Variants in PDZD2 observed in about 807,000 individuals in gnomAD.
The protein encoded by PDZD2 is PDZ domain containing 2.
PDZD2 carries 90 observed loss-of-function variants against 220.7 expected under a neutral mutation model. The observed-to-expected ratio is 0.41, with a 90% CI of 0.34 to 0.49. The LOEUF (loss-of-function observed/expected upper bound fraction) is 0.49. Among genes scored for constraint, PDZD2 ranks in the 20% least tolerant of loss-of-function variants. The pLI is 0.28. For synonymous variants in PDZD2, 1,375 were observed against 1,450.5 expected (o/e 0.95, Z 1.18); for missense variants, 3,174 against 3,608.5 (o/e 0.88, Z 3.08).
intron 1 of PDZD2, among the ~76,000 whole-genome samples, chr5:31,722,956 G>A (rs1200756973): frequency 6.6e-6 from 1 of 152,150 alleles, no homozygotes; most frequent in Non-Finnish European, 1.5e-5. Flanking sequence ...CCAAAGTGCT[G>A]GGATTACAGG....
At chr5:31,869,432 G>A (rs2877220) in intron 2 of PDZD2, among the ~76,000 whole-genome samples, 108,773 of 151,994 alleles carry the variant, frequency 0.72, 40,417 homozygotes, top group Middle Eastern at 0.83. Context: ...GCGTGGTGGC[G>A]GGCGCCTGTA....
chr5:31,832,835 A>G (rs766069502), intron 2 of PDZD2, among the ~76,000 whole-genome samples: 2 of 152,118 alleles, frequency 1.3e-5, no homozygotes, highest in Non-Finnish European at 2.9e-5. Context: ...TAAAATGGTC[A>G]ATTTTATTTT....
At chr5:31,784,774 G>A (rs1392474750) in intron 1 of PDZD2, among the ~76,000 whole-genome samples, 1 of 152,120 alleles carries the variant, frequency 6.6e-6, no homozygotes, top group Non-Finnish European at 1.5e-5. Context: ...AGGCGTGGTG[G>A]CACATGCCTG....
chr5:31,728,871 C>CA (rs1183610244), intron 1 of PDZD2, among the ~76,000 whole-genome samples: 1 of 151,772 alleles, frequency 6.6e-6, no homozygotes, highest in Non-Finnish European at 1.5e-5. Context: ...TTATTTGAGA[C>CA]AGAGTCTCTC....
intron 2 of PDZD2, among the ~76,000 whole-genome samples, chr5:31,801,034 A>G (rs1379389345): frequency 6.6e-6 from 1 of 152,176 alleles, no homozygotes; most frequent in East Asian, 1.9e-4. Context: ...ATTTGTCTAT[A>G]TGTGTCAGTG....
intron 1 of PDZD2, among the ~76,000 whole-genome samples, chr5:31,755,990 CAGATGTCTTTAAAAGGCTT>C (rs1223788606): frequency 6.6e-6 from 1 of 152,090 alleles, no homozygotes; most frequent in African/African-American, 2.4e-5. Flanking sequence ...AAACTGCCTT[CAGATGTCTTTAAAAGGCTT>C]GAAAATGTGC....
At chr5:31,698,829 C>T (rs542041658) in intron 1 of PDZD2, among the ~76,000 whole-genome samples, 3 of 152,292 alleles carry the variant, frequency 2.0e-5, no homozygotes, top group East Asian at 1.9e-4. Context: ...CAGATTCGGG[C>T]GGCAGCCTGA....
rs565011156 is a variant in PDZD2 at position 32,004,816 on chromosome 5, G to A, written c.1254+4545G>A. Among the ~76,000 whole-genome samples the A allele has an allele frequency of 1.1e-4, 17 of 152,318 alleles. 1 individual carries two copies. The South Asian group carries it at 3.3e-3, about 30-fold the overall frequency. On this transcript the variant is annotated intron_variant, in intron 5 of 24. Coordinates refer to ENST00000438447, the MANE Select transcript of PDZD2 (RefSeq NM_178140.4). The stretch of plus-strand genomic sequence containing the variant: ...GCTAGAGGCTTTGACTTTTAGGGAC[G>A]CTTGCTTGGGTCCTCGTGGGGCTGA...
At chr5:32,035,106 C>T (rs1295630238) in intron 6 of PDZD2, among the ~76,000 whole-genome samples, 1 of 152,136 alleles carries the variant, frequency 6.6e-6, no homozygotes, top group Admixed American at 6.5e-5. Context: ...ATTCCTGTTT[C>T]TAACCCAGAA....
chr5:31,809,831 G>A (rs745696683), intron 2 of PDZD2, among the ~76,000 whole-genome samples: 4 of 152,152 alleles, frequency 2.6e-5, no homozygotes, highest in Non-Finnish European at 5.9e-5. Flanking sequence ...AGAGGATTGA[G>A]GTTTCAGAGC....
At chr5:31,990,362 C>T (rs1751112700) in intron 3 of PDZD2, among the ~76,000 whole-genome samples, 1 of 152,216 alleles carries the variant, frequency 6.6e-6, no homozygotes, top group Non-Finnish European at 1.5e-5. Flanking sequence ...GAAAGGGTAA[C>T]ACTCCAACAA....
intron 20 of PDZD2, among the ~76,000 whole-genome samples, chr5:32,092,013 C>G (rs181800148): frequency 6.6e-6 from 1 of 152,304 alleles, no homozygotes; most frequent in African/African-American, 2.4e-5. Context: ...GTGGCTCACA[C>G]CTGTAATCCC....
intron 2 of PDZD2, among the ~76,000 whole-genome samples, chr5:31,879,891 GT>G (rs1739701754): frequency 6.9e-6 from 1 of 144,106 alleles, no homozygotes. Context: ...ACTGCTTACA[GT>G]TTTCTTAGCA....
At chr5:31,755,406 C>T (rs114936481) in intron 1 of PDZD2, among the ~76,000 whole-genome samples, 1,793 of 152,148 alleles carry the variant, frequency 0.012, 34 homozygotes, top group African/African-American at 0.04. Context: ...GGGTGGGGGG[C>T]GGTGGCGCTT....
intron 1 of PDZD2, among the ~76,000 whole-genome samples, chr5:31,728,073 A>G (rs1749287555): frequency 6.6e-6 from 1 of 151,624 alleles, no homozygotes; most frequent in South Asian, 2.1e-4. Flanking sequence ...CTATAGTTGC[A>G]AAGAAGTCGA....
intron 1 of PDZD2, among the ~76,000 whole-genome samples, chr5:31,659,129 T>C (rs1745669198): frequency 6.6e-6 from 1 of 152,158 alleles, no homozygotes; most frequent in South Asian, 2.1e-4. Context: ...TCTCAGACAC[T>C]GCTTTTCTCC....
rs1478915904 is a variant in PDZD2, at chr5:32,072,200, G to T, written c.2608G>T (p.Ala870Ser). ...ISESELSQYF[A>S]HDVPGPLSDF... ...TGAATCTGAACTCTCCCAGTACTTT[G>T]CCCACGATGTCCCTGGCCCCTTGTC... Residue 870 changes from alanine to serine, a missense_variant, in exon 17 of 25, where the codon GCC becomes TCC. Around this residue, in one of 4 missense-constraint regions of PDZD2, gnomAD observed 1,861 missense variants for 2,001.0 expected, o/e 0.93. Transcript: ENST00000438447. 1 of 1,613,298 alleles carries T rather than the reference G, an allele frequency of 6.2e-7. No individual in the cohort carries two copies. The highest frequency in any genetic ancestry group is 2.2e-5 in the East Asian group (1 of 44,882).
chr5:31,953,857 GC>G (rs923015289), intron 2 of PDZD2, among the ~76,000 whole-genome samples: 21 of 152,024 alleles, frequency 1.4e-4, no homozygotes, highest in African/African-American at 4.8e-4. Flanking sequence ...CACCATGTTG[GC>G]CAGGGTGGTC....
At position 31,901,675 on chromosome 5, in the gene PDZD2, T is replaced by C. The variant is rs530009481; in HGVS notation, c.477-81480T>C. 3.3e-5 allele frequency among the ~76,000 whole-genome samples: 5 copies of C among 152,288 alleles called. No homozygotes were observed. The East Asian group carries it at 9.6e-4, about 29-fold the overall frequency. ...TTACAATAAATAGTTTTTAAGTAAA[T>C]TCAAGCAGATCTGTAGACATCACAT... On this transcript the variant is annotated intron_variant, in intron 2 of 24. Coordinates refer to ENST00000438447, the MANE Select transcript of PDZD2 (RefSeq NM_178140.4).
Sources: gnomAD v4.1 joint callset for allele counts (sites outside exome capture counted in the v4.1 genomes callset) on GRCh38, gnomAD v4.1.1 for gene constraint, gnomAD v4.1.1 regional missense constraint, MANE v1.5 for transcripts, NCBI Gene and HGNC (gene_info 2026-07-23, HGNC 2026-07-21) for gene names.